FOXO1: variants seen among roughly 807,000 people sequenced by gnomAD.
The protein encoded by FOXO1 is forkhead box O1.
In FOXO1, 6 loss-of-function variants were observed where a neutral mutation model predicts 44.1. The observed-to-expected ratio is 0.14, with a 90% confidence interval of 0.07 to 0.27. The LOEUF (loss-of-function observed/expected upper bound fraction) is 0.27. Ranked by LOEUF, FOXO1 falls within the 10% of genes least tolerant of loss-of-function variation. The pLI, the probability that FOXO1 is intolerant of heterozygous loss-of-function variation, is 1.00. For synonymous variants in FOXO1, 380 were observed against 362.7 expected, an observed-to-expected ratio of 1.05 and a Z score of -0.54; for missense variants, 737 against 888.8, an observed-to-expected ratio of 0.83 and a Z score of 2.17.
chr13:40,596,921 T>C (rs1175669035), intron 1 of FOXO1, among the ~76,000 whole-genome samples: 1 of 152,112 alleles, frequency 6.6e-6, no homozygotes, highest in Non-Finnish European at 1.5e-5. Context: ...CCTCCTCTCA[T>C]CCTCATTCTG....
chr13:40,559,420 C>A, intron 2 of FOXO1, 89 bp downstream of exon 2: 1 of 1,212,580 alleles, frequency 8.2e-7, no homozygotes. Flanking sequence ...CAGTTGACAT[C>A]AAAGATGTGC....
At chr13:40,648,879 T>C (rs73469022) in intron 1 of FOXO1, among the ~76,000 whole-genome samples, 125 of 152,342 alleles carry the variant, frequency 8.2e-4, no homozygotes, top group African/African-American at 3.0e-3. Context: ...GCTGTCCTAG[T>C]AACATTCAGG....
chr13:40,654,363 G>C (rs1376386545), intron 1 of FOXO1, among the ~76,000 whole-genome samples: 1 of 141,292 alleles, frequency 7.1e-6, no homozygotes, highest in Admixed American at 7.1e-5. Context: ...TTAGCCAGGC[G>C]TGGTGGTGGC....
chr13:40,623,305 C>T (rs936955580), intron 1 of FOXO1, among the ~76,000 whole-genome samples: 2 of 152,084 alleles, frequency 1.3e-5, no homozygotes, highest in Non-Finnish European at 2.9e-5. Context: ...CCGTGTGGGG[C>T]ATTAGTTATT....
At chr13:40,651,063 ACG>A (rs1044761168) in intron 1 of FOXO1, among the ~76,000 whole-genome samples, 3 of 151,050 alleles carry the variant, frequency 2.0e-5, no homozygotes, top group Admixed American at 2.0e-4. Flanking sequence ...GTGAGCCACC[ACG>A]CACTGCCTAG....
Position 40,644,876 on chromosome 13 carries a change from T to C in FOXO1, c.630+20707A>G, listed in dbSNP as rs1325736262. ...GAAGTTAAAATTAAGAACTTCAGAA[T>C]GTGAAGGCAGCCAACACTACTCATC... On this transcript the variant is annotated intron_variant, in intron 1 of 2. Coordinates refer to ENST00000379561, the MANE Select transcript of FOXO1 (RefSeq NM_002015.4). Among the ~76,000 whole-genome samples the C allele has an allele frequency of 2.6e-5, 4 of 152,190 alleles. No individual in the cohort carries two copies. In the East Asian group the frequency reaches 5.8e-4, roughly 22 times the overall value.
chr13:40,611,445 T>C (rs1479100501), intron 1 of FOXO1, among the ~76,000 whole-genome samples: 1 of 152,218 alleles, frequency 6.6e-6, no homozygotes, highest in Non-Finnish European at 1.5e-5. Flanking sequence ...AGGTCCTCAG[T>C]GTGTAATACA....
intron 1 of FOXO1, among the ~76,000 whole-genome samples, chr13:40,566,993 C>G (rs1002026071): frequency 5.9e-5 from 9 of 152,112 alleles, no homozygotes; most frequent in Admixed American, 5.9e-4. Flanking sequence ...TCTCTGCCTC[C>G]TAAGAGCTGA....
chr13:40,661,926 C>A (rs955317182), intron 1 of FOXO1, among the ~76,000 whole-genome samples: 1 of 151,988 alleles, frequency 6.6e-6, no homozygotes, highest in African/African-American at 2.4e-5. Context: ...GTAATCTCTG[C>A]ACTTTAGGAG....
chr13:40,653,581 A>G (rs1307649074), intron 1 of FOXO1, among the ~76,000 whole-genome samples: 2 of 152,336 alleles, frequency 1.3e-5, no homozygotes, highest in Non-Finnish European at 2.9e-5. Context: ...ATCTTCCCAC[A>G]TAATGCAAAC....
At chr13:40,640,855 C>T (rs930638289) in intron 1 of FOXO1, among the ~76,000 whole-genome samples, 5 of 152,110 alleles carry the variant, frequency 3.3e-5, no homozygotes, top group Non-Finnish European at 5.9e-5. Flanking sequence ...ACAATCTCGG[C>T]TTACTGCAAC....
chr13:40,596,940 C>T (rs1875599903), intron 1 of FOXO1, among the ~76,000 whole-genome samples: 1 of 152,160 alleles, frequency 6.6e-6, no homozygotes, highest in African/African-American at 2.4e-5. Flanking sequence ...TGTCAAAAGA[C>T]AGCAAGGTAC....
At chr13:40,583,949 G>A (rs1272179681) in intron 1 of FOXO1, among the ~76,000 whole-genome samples, 3 of 152,290 alleles carry the variant, frequency 2.0e-5, no homozygotes, top group South Asian at 4.1e-4. Context: ...TCTAGCCTTT[G>A]ATTTACAGTG....
intron 1 of FOXO1, among the ~76,000 whole-genome samples, chr13:40,605,533 T>C (rs755695633): frequency 4.6e-5 from 7 of 152,156 alleles, no homozygotes; most frequent in Non-Finnish European, 8.8e-5. Flanking sequence ...CCAACCACAC[T>C]GTACTTCTCA....
At chr13:40,582,180 T>C (rs1385004343) in intron 1 of FOXO1, among the ~76,000 whole-genome samples, 2 of 152,230 alleles carry the variant, frequency 1.3e-5, no homozygotes, top group South Asian at 2.1e-4. Flanking sequence ...ATAAAAGGTA[T>C]GCATTATATT....
At chr13:40,655,691 G>A (rs1490836615) in intron 1 of FOXO1, among the ~76,000 whole-genome samples, 4 of 135,662 alleles carry the variant, frequency 2.9e-5, no homozygotes, top group Non-Finnish European at 6.1e-5. Flanking sequence ...GGCTCAGGCC[G>A]GAGTGTCGTG....
chr13:40,621,680 T>C (rs1205964641), intron 1 of FOXO1, among the ~76,000 whole-genome samples: 1 of 152,220 alleles, frequency 6.6e-6, no homozygotes, highest in South Asian at 2.1e-4. Flanking sequence ...TTCTTTTCCT[T>C]AATAGCACAG....
intron 1 of FOXO1, among the ~76,000 whole-genome samples, chr13:40,563,213 A>C (rs1874111333): frequency 1.3e-5 from 2 of 152,192 alleles, no homozygotes; most frequent in African/African-American, 4.8e-5. Context: ...CCCGGGCCCG[A>C]GTGCCAACCA....
intron 1 of FOXO1, among the ~76,000 whole-genome samples, chr13:40,624,838 T>G (rs1261209693): frequency 1.3e-5 from 2 of 152,218 alleles, no homozygotes; most frequent in African/African-American, 4.8e-5. Flanking sequence ...GAATTATGCA[T>G]ATAGTTTTTT....
Sources: allele counts gnomAD v4.1 joint callset (sites outside exome capture counted in the v4.1 genomes callset), GRCh38; gene constraint gnomAD v4.1.1; transcripts MANE v1.5; gene names NCBI Gene and HGNC (gene_info 2026-07-23, HGNC 2026-07-21).